Variants in KIFC3 observed in about 807,000 individuals in gnomAD.
The protein encoded by KIFC3 is kinesin family member C3.
KIFC3 carries 60 observed loss-of-function variants against 101.8 expected under a neutral mutation model. The ratio of observed to expected loss-of-function variants is 0.59; its 90% confidence interval spans 0.48 to 0.73. The LOEUF (loss-of-function observed/expected upper bound fraction) is 0.73, where lower values mean the gene tolerates loss of function less well. Ranked by LOEUF, KIFC3 falls within the 30% of genes least tolerant of loss-of-function variation. The probability of loss-of-function intolerance (pLI) is 0.00; values close to 1 mark genes in which losing one functional copy is unlikely to be tolerated. For synonymous variants in KIFC3, 476 were observed against 482.7 expected (o/e 0.99, Z 0.18); for missense variants, 966 against 1,137.1 (o/e 0.85, Z 2.16).
At chr16:57,765,806 C>T in intron 10 of KIFC3, 166 bp from the exon 11 acceptor site, 3 of 613,274 alleles carry the variant, frequency 4.9e-6, no homozygotes, top group Non-Finnish European at 5.7e-6. Context: ...GTCATTCACA[C>T]TATAGTATGA....
intron 1 of KIFC3, among the ~76,000 whole-genome samples, chr16:57,838,489 A>T (rs906011573): frequency 1.3e-5 from 2 of 152,186 alleles, no homozygotes; most frequent in African/African-American, 4.8e-5. Context: ...GTGCGGCTTC[A>T]TGCATATCTA....
At chr16:57,801,209 GC>G (rs2054703377) in intron 1 of KIFC3, among the ~76,000 whole-genome samples, 1 of 152,196 alleles carries the variant, frequency 6.6e-6, no homozygotes, top group East Asian at 1.9e-4. Context: ...TACTCCCCCT[GC>G]CCTAGATCAG....
intron 12 of KIFC3, among the ~76,000 whole-genome samples, chr16:57,763,361 C>T (rs183847892): frequency 4.2e-4 from 64 of 152,166 alleles, no homozygotes; most frequent in African/African-American, 1.3e-3. Context: ...CTGGCCTGCC[C>T]CCACTAACTA....
rs1555605990 is a variant in KIFC3 at position 57,769,745 on chromosome 16, G to A, written c.1088-20C>T. ...GGACGCCTATGGGGACACTCGGGCTGTGAGGCGGGAGGGGATGAGGGGCCG... is the reference window on the plus strand; with the variant it reads ...GGACGCCTATGGGGACACTCGGGCTATGAGGCGGGAGGGGATGAGGGGCCG... On this transcript the variant is annotated intron_variant, in intron 8 of 19. Transcript: ENST00000445690. This position sits in a 1 kb window ranked among gnomAD's most constrained non-coding sequence, Gnocchi z 4.3. 1.2e-6 allele frequency: 2 copies of A among 1,612,914 alleles called. No homozygotes were observed. Among genetic ancestry groups the A allele is most frequent in the Admixed American group, 1.7e-5 (1 of 60,006 alleles).
rs1555605631 is a variant in KIFC3, at chr16:57,769,588, C to T, written c.1218+7G>A. 7.5e-6 allele frequency: 12 copies of T among 1,607,326 alleles called. No homozygotes were observed. The highest frequency in any genetic ancestry group is 1.3e-5 in the African/African-American group (1 of 74,934). On this transcript the variant is annotated splice_region_variant and intron_variant, in intron 9 of 19. Coordinates refer to ENST00000445690, the MANE Select transcript of KIFC3 (RefSeq NM_001130100.2). The surrounding 1 kb of genome is among the most constrained non-coding windows in gnomAD (Gnocchi z 4.3). ...CCTGGACCCTCCCACCCACTGCCCT[C>T]GCTCACCTCGGCCTTGACACTCCTG...
chr16:57,760,967 G>A lies in KIFC3; in HGVS notation c.2003-12C>T, dbSNP rs782417834. The A allele has an allele frequency of 1.4e-5, 23 of 1,605,732 alleles. No homozygotes were observed. Among genetic ancestry groups the A allele is most frequent in the Non-Finnish European group, 2.0e-5 (23 of 1,178,216 alleles). On this transcript the variant is annotated splice_polypyrimidine_tract_variant and intron_variant, in intron 15 of 19. Transcript: ENST00000445690. ...CAGGTTCAGCTTCCCTGCAGGGAAG[G>A]CACCCACCAGATCAGGCCTGCCCTG...
chr16:57,772,837 C>T (rs2051446297), intron 3 of KIFC3, among the ~76,000 whole-genome samples: 1 of 152,162 alleles, frequency 6.6e-6, no homozygotes, highest in Admixed American at 6.5e-5. Flanking sequence ...AACCTGTGTC[C>T]ACCCCTGCTC....
rs1387317093 is a variant in KIFC3 at position 57,760,120 on chromosome 16, A to C, written c.2367+162T>G. The C allele has an allele frequency of 8.2e-6, 7 of 851,756 alleles. No homozygotes were observed. The African/African-American group carries it at 1.2e-4, about 14-fold the overall frequency. The allele number at this position is 851,756 out of a possible 1,614,324, so 52.8% of individuals were successfully genotyped here. On this transcript the variant is annotated intron_variant, in intron 17 of 19. Transcript: ENST00000445690. The stretch of plus-strand genomic sequence containing the variant: ...AGGCCAAGAAGAAATACCTGTACTG[A>C]AGAGGCTGCTGGCTGTGGGTTCCAG...
chr16:57,838,424 A>ACAGCCACCTAGTTACAGCC (rs2149307428), intron 1 of KIFC3, among the ~76,000 whole-genome samples: 1 of 152,270 alleles, frequency 6.6e-6, no homozygotes, highest in East Asian at 1.9e-4. Flanking sequence ...AGTTCCAGAC[A>ACAGCCACCTAGTTACAGCC]CAGCCACCTA....
intron 1 of KIFC3, among the ~76,000 whole-genome samples, chr16:57,836,586 A>T (rs1555480378): frequency 6.6e-6 from 1 of 152,188 alleles, no homozygotes; most frequent in Non-Finnish European, 1.5e-5. Flanking sequence ...GTCTAATCGA[A>T]CTACCCCAAA....
intron 1 of KIFC3, chr16:57,816,346 G>A: frequency 1.0e-6 from 1 of 1,001,104 alleles, no homozygotes; most frequent in Non-Finnish European, 1.4e-6. Flanking sequence ...GGATCCTGGG[G>A]CCTGCCCCTC....
chr16:57,788,000 C>T (rs1345592858), intron 3 of KIFC3, among the ~76,000 whole-genome samples: 1 of 152,234 alleles, frequency 6.6e-6, no homozygotes, highest in African/African-American at 2.4e-5. Flanking sequence ...TCGCTTACTG[C>T]GAGGGACCCC....
chr16:57,770,649 T>C lies in KIFC3; in HGVS notation c.817A>G (p.Ser273Gly). The C allele has an allele frequency of 6.4e-7, 1 of 1,560,128 alleles. No individual in the cohort carries two copies. Among genetic ancestry groups the C allele is most frequent in the Non-Finnish European group, 8.7e-7 (1 of 1,152,528 alleles). The change falls in exon 7 of 20, where the codon AGC (serine) becomes GGC (glycine). Residue 273 changes from serine to glycine, a missense_variant. This residue lies in a region of KIFC3 where 689 missense variants were observed against 884.6 expected (regional missense o/e 0.78). Transcript: ENST00000445690. ...VESSKTKQAL[S>G]ESQARNQHLQ... is the part of the protein sequence containing the mutation. Reference sequence around the variant, plus strand: ...TGCTGGTTCCGGGCCTGGGACTCGCTGAGGGCCTGCTTGGTCTTGGACGAC... The same window carrying C: ...TGCTGGTTCCGGGCCTGGGACTCGCCGAGGGCCTGCTTGGTCTTGGACGAC...
upstream of KIFC3, chr16:57,803,272 G>A (rs1555626213): frequency 1.4e-6 from 1 of 697,256 alleles, no homozygotes; most frequent in African/African-American, 1.7e-5. Context: ...GAGGCCAGGG[G>A]CCTGCCAGCC....
At chr16:57,829,903 G>C (rs933093012) in intron 1 of KIFC3, among the ~76,000 whole-genome samples, 1 of 152,198 alleles carries the variant, frequency 6.6e-6, no homozygotes, top group Non-Finnish European at 1.5e-5. Context: ...GAGCAGAGGA[G>C]CTACATTTCT....
intron 1 of KIFC3, among the ~76,000 whole-genome samples, chr16:57,860,547 G>T (rs1234626680): frequency 6.6e-6 from 1 of 152,040 alleles, no homozygotes; most frequent in East Asian, 1.9e-4. Context: ...CCAGAAAATG[G>T]GTCTTGTCCC....
intron 7 of KIFC3, 47 bp from the exon 8 acceptor site, chr16:57,770,002 G>C (rs1555606464): frequency 6.3e-7 from 1 of 1,582,258 alleles, no homozygotes; most frequent in Admixed American, 1.7e-5. Flanking sequence ...GCGGGAGAGA[G>C]AGGGGCAGGT....
At chr16:57,856,200 G>T (rs1310832358) in intron 1 of KIFC3, among the ~76,000 whole-genome samples, 1 of 151,692 alleles carries the variant, frequency 6.6e-6, no homozygotes, top group South Asian at 2.1e-4. Context: ...AAAAAAAAAG[G>T]CTGGGCACAG....
intron 3 of KIFC3, among the ~76,000 whole-genome samples, chr16:57,774,529 T>C (rs75612769): frequency 0.021 from 3,116 of 151,944 alleles, 48 homozygotes; most frequent in South Asian, 0.069. Context: ...AGTAATTTTT[T>C]TTTTTCTTTT....
Sources: gnomAD v4.1 joint callset for allele counts (sites outside exome capture counted in the v4.1 genomes callset) on GRCh38, gnomAD v4.1.1 for gene constraint, gnomAD v4.1.1 regional missense constraint, Gnocchi (gnomAD v3.1) non-coding constraint, MANE v1.5 for transcripts, NCBI Gene and HGNC (gene_info 2026-07-23, HGNC 2026-07-21) for gene names.